Variants in NR3C2 observed in about 807,000 individuals in gnomAD.
NR3C2 encodes nuclear receptor subfamily 3 group C member 2.
Under a neutral mutation model 86.4 loss-of-function variants are expected in NR3C2, and 15 were observed. The ratio of observed to expected loss-of-function variants is 0.17; its 90% CI spans 0.12 to 0.27. NR3C2 has a LOEUF of 0.27. NR3C2 is among the 10% of genes least tolerant of loss of function. NR3C2 has a pLI of 1.00. For missense variants in NR3C2, 960 were observed against 1,195.6 expected, an observed-to-expected ratio of 0.80 and a Z score of 2.91; for synonymous variants, 458 against 450.5, an observed-to-expected ratio of 1.02 and a Z score of -0.21.
At chr4:148,442,826 C>T, upstream of NR3C2, 3 of 985,450 alleles carry the variant, frequency 3.0e-6, no homozygotes, top group Non-Finnish European at 3.6e-6. Flanking sequence ...CCCAAACTTG[C>T]TTACGTCCAC....
intron 2 of NR3C2, among the ~76,000 whole-genome samples, chr4:148,389,491 T>G (rs1243211587): frequency 2.6e-5 from 4 of 152,114 alleles, no homozygotes; most frequent in African/African-American, 9.7e-5. Flanking sequence ...ACATACTGAG[T>G]TTTTTGTACT....
Position 148,406,666 on chromosome 4 carries a change from T to G in NR3C2, c.1757+28438A>C, listed in dbSNP as rs62333652. On this transcript the variant is annotated intron_variant, in intron 2 of 8. Coordinates refer to ENST00000358102, the MANE Select transcript of NR3C2 (RefSeq NM_000901.5). The stretch of plus-strand genomic sequence containing the variant: ...TCTGGTCTTTTTATCCTAAGAGAAA[T>G]AGGAGGCCGGTAAAAGCTTTAACTA... Among the ~76,000 whole-genome samples the G allele has an allele frequency of 2.0e-5, 3 of 152,178 alleles. No homozygotes were observed. The East Asian group carries it at 5.8e-4, about 29-fold the overall frequency.
chr4:148,273,315 T>C (rs1435625101), intron 2 of NR3C2, among the ~76,000 whole-genome samples: 1 of 152,244 alleles, frequency 6.6e-6, no homozygotes, highest in African/African-American at 2.4e-5. Context: ...TCTATGGCAA[T>C]ATTCCCTTTC....
intron 1 of NR3C2, among the ~76,000 whole-genome samples, chr4:148,438,095 G>A (rs1560738950): frequency 6.6e-6 from 1 of 152,198 alleles, no homozygotes; most frequent in South Asian, 2.1e-4. Context: ...ACACAACCAA[G>A]TGTTGGAGCT....
chr4:148,137,964 T>C (rs749119097), intron 6 of NR3C2, among the ~76,000 whole-genome samples: 5 of 152,234 alleles, frequency 3.3e-5, no homozygotes, highest in Non-Finnish European at 5.9e-5. Context: ...GATGGCTTTA[T>C]GTTTCTTTTA....
At chr4:148,126,027 C>G (rs571216458) in intron 6 of NR3C2, among the ~76,000 whole-genome samples, 9 of 152,212 alleles carry the variant, frequency 5.9e-5, no homozygotes, top group Non-Finnish European at 1.3e-4. Context: ...CAACACAACA[C>G]GCATTTCATA....
chr4:148,325,496 C>T (rs1743916758), intron 2 of NR3C2, among the ~76,000 whole-genome samples: 1 of 138,210 alleles, frequency 7.2e-6, no homozygotes, highest in African/African-American at 3.0e-5. Flanking sequence ...GGATGTAAGG[C>T]TAGCATGAAG....
At chr4:148,184,205 C>T (rs1288580727) in intron 4 of NR3C2, among the ~76,000 whole-genome samples, 1 of 151,708 alleles carries the variant, frequency 6.6e-6, no homozygotes, top group African/African-American at 2.4e-5. Context: ...AATCCCAGCA[C>T]TTTGGGAGGA....
rs528228375 is a variant in NR3C2 at position 148,156,335 on chromosome 4, A to G, written c.2015-1434T>C. On this transcript the variant is annotated intron_variant, in intron 4 of 8. Transcript: ENST00000358102. ...TCAGAGTGAACAGGCAACCTACAAA[A>G]TGGGAGAAAATTTTTGCAACCTACT... Among the ~76,000 whole-genome samples the G allele has an allele frequency of 9.4e-3, 1,433 of 152,216 alleles. 26 individuals carry two copies. Among genetic ancestry groups the G allele is most frequent in the African/African-American group, 0.033 (1,360 of 41,540 alleles).
intron 8 of NR3C2, among the ~76,000 whole-genome samples, chr4:148,101,841 G>C (rs915967162): frequency 6.6e-6 from 1 of 151,486 alleles, no homozygotes; most frequent in Non-Finnish European, 1.5e-5. Context: ...TATTTATTAA[G>C]GCAATTTTAC....
At chr4:148,397,875 T>C (rs1373127971) in intron 2 of NR3C2, among the ~76,000 whole-genome samples, 1 of 152,204 alleles carries the variant, frequency 6.6e-6, no homozygotes, top group African/African-American at 2.4e-5. Context: ...ATTTAGTGGC[T>C]TAAGACAACA....
chr4:148,281,216 G>C (rs570386475), intron 2 of NR3C2, among the ~76,000 whole-genome samples: 42 of 152,224 alleles, frequency 2.8e-4, no homozygotes, highest in African/African-American at 9.9e-4. Context: ...GCAGACTTGG[G>C]GAAAAAGCGG....
At position 148,129,058 on chromosome 4, in the gene NR3C2, G is replaced by T. The variant is rs1732884517; in HGVS notation, c.2511-8770C>A. 2.0e-5 allele frequency among the ~76,000 whole-genome samples: 3 copies of T among 152,306 alleles called. No individual in the cohort carries two copies. In the South Asian group the frequency reaches 6.2e-4, roughly 32 times the overall value. On this transcript the variant is annotated intron_variant, in intron 6 of 8. Transcript: ENST00000358102. ...GAATCTCTGCAGGAAGTGAAAGCAG[G>T]CCATCGAGGGGATATTTGTTGTTCA... is the stretch of plus-strand genomic sequence containing the variant.
upstream of NR3C2, among the ~76,000 whole-genome samples, chr4:148,443,736 T>C (rs1220783794): frequency 1.3e-5 from 2 of 151,438 alleles, no homozygotes; most frequent in African/African-American, 2.4e-5. Context: ...CGGCGGCAGC[T>C]GTGCGGCCTC....
chr4:148,426,476 G>T (rs1749537194), intron 2 of NR3C2, among the ~76,000 whole-genome samples: 1 of 152,330 alleles, frequency 6.6e-6, no homozygotes, highest in South Asian at 2.1e-4. Flanking sequence ...ATTAGTTTCA[G>T]TATCCATGCC....
At chr4:148,264,159 C>T (rs575145160) in intron 2 of NR3C2, among the ~76,000 whole-genome samples, 11 of 152,292 alleles carry the variant, frequency 7.2e-5, no homozygotes, top group African/African-American at 2.6e-4. Flanking sequence ...CAGGGACAGA[C>T]TATTGTCAAA....
intron 2 of NR3C2, among the ~76,000 whole-genome samples, chr4:148,428,522 T>G (rs1384185694): frequency 6.6e-6 from 1 of 151,994 alleles, no homozygotes; most frequent in Non-Finnish European, 1.5e-5. Context: ...AGCAAAAGAG[T>G]AGATGCCAGT....
intron 6 of NR3C2, among the ~76,000 whole-genome samples, chr4:148,126,132 C>T (rs1451834983): frequency 6.6e-6 from 1 of 152,240 alleles, no homozygotes; most frequent in African/African-American, 2.4e-5. Context: ...CACAGCCCAT[C>T]AGCCTTTCAG....
At chr4:148,406,365 A>G (rs1255385217) in intron 2 of NR3C2, among the ~76,000 whole-genome samples, 1 of 152,092 alleles carries the variant, frequency 6.6e-6, no homozygotes, top group Non-Finnish European at 1.5e-5. Context: ...TTAAGGTCAG[A>G]GTTCGGAATG....
Sources: allele counts gnomAD v4.1 joint callset (sites outside exome capture counted in the v4.1 genomes callset), GRCh38; gene constraint gnomAD v4.1.1; transcripts MANE v1.5; gene names NCBI Gene and HGNC (gene_info 2026-07-23, HGNC 2026-07-21).